Variants in UNC13C observed in about 807,000 individuals in gnomAD.
UNC13C encodes the protein protein unc-13 homolog C.
UNC13C carries 174 observed loss-of-function variants against 245.4 expected under a neutral mutation model. The ratio of observed to expected loss-of-function variants is 0.71; its 90% CI spans 0.63 to 0.80. The LOEUF (loss-of-function observed/expected upper bound fraction) is 0.80, where lower values mean the gene tolerates loss of function less well. Ranked by LOEUF, UNC13C falls within the 30% of genes least tolerant of loss-of-function variation. UNC13C has a pLI of 0.00. For synonymous variants in UNC13C, 992 were observed against 895.1 expected (o/e 1.11, Z -1.93); for missense variants, 2,829 against 2,602.9 (o/e 1.09, Z -1.89).
chr15:54,375,748 T>G (rs1179383287), intron 17 of UNC13C, among the ~76,000 whole-genome samples: 3 of 152,162 alleles, frequency 2.0e-5, no homozygotes, highest in Non-Finnish European at 4.4e-5. Context: ...TGATGTGAGT[T>G]TGCGTGAGGA....
At chr15:54,395,424 G>A (rs1477492831) in intron 18 of UNC13C, among the ~76,000 whole-genome samples, 3 of 151,920 alleles carry the variant, frequency 2.0e-5, no homozygotes, top group Non-Finnish European at 2.9e-5. Context: ...CTACTAGCTG[G>A]ATTTGCAGAT....
chr15:54,415,366 C>T (rs2040497500), intron 19 of UNC13C, among the ~76,000 whole-genome samples: 1 of 151,992 alleles, frequency 6.6e-6, no homozygotes, highest in Non-Finnish European at 1.5e-5. Context: ...CCAAAGCAGG[C>T]CATATTGAGG....
intron 2 of UNC13C, among the ~76,000 whole-genome samples, chr15:54,056,118 T>G (rs1044607871): frequency 3.3e-5 from 5 of 152,128 alleles, no homozygotes; most frequent in Admixed American, 2.0e-4. Flanking sequence ...GAGAATGACT[T>G]TGACGAGTTG....
the UNC13C span, among the ~76,000 whole-genome samples, chr15:53,918,017 G>A: frequency 3.3e-5 from 5 of 152,136 alleles, no homozygotes; most frequent in African/African-American, 1.2e-4. Flanking sequence ...GGTAGCAGTT[G>A]GAACAAAAGA....
At chr15:54,278,426 G>T (rs2036891596) in intron 10 of UNC13C, among the ~76,000 whole-genome samples, 1 of 152,088 alleles carries the variant, frequency 6.6e-6, no homozygotes, top group Non-Finnish European at 1.5e-5. Flanking sequence ...GAAGTTCCCT[G>T]AGGAATGGCT....
At chr15:54,378,950 A>C (rs893573408) in intron 17 of UNC13C, among the ~76,000 whole-genome samples, 6 of 152,196 alleles carry the variant, frequency 3.9e-5, no homozygotes, top group Middle Eastern at 3.4e-3. Context: ...AAATGTCAGG[A>C]TACCTCTGAC....
At chr15:53,994,285 C>T (rs943839354) in intron 1 of UNC13C, among the ~76,000 whole-genome samples, 72 of 151,650 alleles carry the variant, frequency 4.7e-4, no homozygotes, top group African/African-American at 1.7e-3. Flanking sequence ...TCTATCTTTG[C>T]AGAAAACTTT....
chr15:54,272,589 C>T (rs2036714846), intron 10 of UNC13C, among the ~76,000 whole-genome samples: 2 of 152,124 alleles, frequency 1.3e-5, no homozygotes, highest in African/African-American at 4.8e-5. Context: ...AGTTTAGTCA[C>T]ACTTTATGGG....
chr15:54,294,664 G>C (rs1270718508), intron 11 of UNC13C, among the ~76,000 whole-genome samples: 1 of 152,026 alleles, frequency 6.6e-6, no homozygotes, highest in Non-Finnish European at 1.5e-5. Context: ...TAATAACATA[G>C]AATTTTCTGT....
At chr15:54,279,902 T>C (rs763944329) in intron 10 of UNC13C, among the ~76,000 whole-genome samples, 2 of 152,140 alleles carry the variant, frequency 1.3e-5, no homozygotes, top group Admixed American at 6.5e-5. Context: ...TAAAAGTCAA[T>C]ATAATATAAA....
chr15:54,156,640 C>A (rs1595922478), intron 4 of UNC13C, among the ~76,000 whole-genome samples: 1 of 151,896 alleles, frequency 6.6e-6, no homozygotes, highest in Admixed American at 6.6e-5. Context: ...ACAGGGTATC[C>A]TTTCCAGGCT....
At chr15:54,105,487 T>C (rs1470755806) in intron 2 of UNC13C, among the ~76,000 whole-genome samples, 1 of 152,220 alleles carries the variant, frequency 6.6e-6, no homozygotes, top group East Asian at 1.9e-4. Context: ...ATATATTTTT[T>C]ATTATTATCC....
chr15:54,359,617 T>A (rs1567213795), intron 17 of UNC13C, among the ~76,000 whole-genome samples: 2 of 151,948 alleles, frequency 1.3e-5, no homozygotes, highest in Non-Finnish European at 2.9e-5. Flanking sequence ...ATTTTTCCAC[T>A]TGTTGGCATA....
At chr15:54,188,796 T>C (rs1005460981) in intron 4 of UNC13C, among the ~76,000 whole-genome samples, 3 of 152,200 alleles carry the variant, frequency 2.0e-5, no homozygotes, top group African/African-American at 7.2e-5. Context: ...ATTTGAGGAA[T>C]TGCATTTATT....
Position 54,541,529 on chromosome 15 carries a change from A to G in UNC13C, c.5697-5193A>G, listed in dbSNP as rs1045712988. Reference sequence around the variant, plus strand: ...TACTTAGGCAGCACTGTGTCTTCAAATAGGCTGGAACATCCTGCATAAGCA... The same window carrying G: ...TACTTAGGCAGCACTGTGTCTTCAAGTAGGCTGGAACATCCTGCATAAGCA... On this transcript the variant is annotated intron_variant, in intron 26 of 32. Transcript: ENST00000260323. Among the ~76,000 whole-genome samples, 10 of 152,230 alleles carry G rather than the reference A, an allele frequency of 6.6e-5. No homozygotes were observed. In the East Asian group the frequency reaches 1.4e-3, roughly 21 times the overall value.
At chr15:53,915,584 T>A in the UNC13C span, among the ~76,000 whole-genome samples, 1 of 152,096 alleles carries the variant, frequency 6.6e-6, no homozygotes, top group Non-Finnish European at 1.5e-5. Context: ...AAAACACAAA[T>A]GGCAAATAGG....
chr15:53,874,273 T>C, the UNC13C span, among the ~76,000 whole-genome samples: 23 of 151,688 alleles, frequency 1.5e-4, 1 homozygote, highest in South Asian at 4.8e-3. Flanking sequence ...AGTACCTTAA[T>C]ACATTATTTA....
the UNC13C span, among the ~76,000 whole-genome samples, chr15:53,843,897 G>T: frequency 6.6e-6 from 1 of 152,138 alleles, no homozygotes; most frequent in African/African-American, 2.4e-5. Flanking sequence ...TAAAAAGTGG[G>T]CATTGAAAAG....
the UNC13C span, among the ~76,000 whole-genome samples, chr15:53,943,705 G>A: frequency 6.6e-6 from 1 of 152,146 alleles, no homozygotes; most frequent in Non-Finnish European, 1.5e-5. Flanking sequence ...TGATCTGTTT[G>A]AGTAAATTTT....
Sources: gnomAD v4.1 joint callset for allele counts (sites outside exome capture counted in the v4.1 genomes callset) on GRCh38, gnomAD v4.1.1 for gene constraint, MANE v1.5 for transcripts, NCBI Gene and HGNC (gene_info 2026-07-23, HGNC 2026-07-21) for gene names.